The following MACROD2 variants were observed in gnomAD, a reference collection of about 807,000 sequenced individuals.
The protein encoded by MACROD2 is mono-ADP ribosylhydrolase 2.
Under a neutral mutation model 70.4 loss-of-function variants are expected in MACROD2, and 36 were observed. That is an observed-to-expected ratio of 0.51 (90% CI 0.39 to 0.68). The LOEUF is 0.68. Ranked by LOEUF, MACROD2 falls within the 30% of genes least tolerant of loss-of-function variation. The probability of loss-of-function intolerance (pLI) is 0.00; values close to 1 mark genes in which losing one functional copy is unlikely to be tolerated. For synonymous variants in MACROD2, 172 were observed against 178.8 expected (o/e 0.96, Z 0.30); for missense variants, 496 against 538.4 (o/e 0.92, Z 0.78).
At chr20:14,219,382 AT>A (rs574278901) in intron 3 of MACROD2, among the ~76,000 whole-genome samples, 2,749 of 146,912 alleles carry the variant, frequency 0.019, 29 homozygotes, top group South Asian at 0.043. Flanking sequence ...AGTTTCCTGA[AT>A]TTTTTTTTTT....
chr20:14,332,030 T>C (rs2082851794), intron 3 of MACROD2, among the ~76,000 whole-genome samples: 1 of 152,114 alleles, frequency 6.6e-6, no homozygotes, highest in African/African-American at 2.4e-5. Context: ...AATGAAGCCC[T>C]GGTAACTTAA....
At chr20:14,146,314 C>T (rs767011756) in intron 3 of MACROD2, among the ~76,000 whole-genome samples, 50 of 151,846 alleles carry the variant, frequency 3.3e-4, no homozygotes, top group African/African-American at 1.1e-3. Flanking sequence ...GCGAGACCTC[C>T]GCCTCAGGAA....
At position 16,008,688 on chromosome 20, in the gene MACROD2, C is replaced by T. The variant is rs140237068; in HGVS notation, c.1153+21530C>T. 9.2e-4 allele frequency among the ~76,000 whole-genome samples: 140 copies of T among 152,242 alleles called. 1 individual carries two copies. Among genetic ancestry groups the T allele is most frequent in the Non-Finnish European group, 1.7e-3 (118 of 68,022 alleles). On this transcript the variant is annotated intron_variant, in intron 15 of 17. Transcript: ENST00000684519. ...CATGTGTAAAGTTCTGGCAGTAGTG[C>T]CAGGCATATAGTAAACTCTCAATCA...
At position 14,594,719 on chromosome 20, in the gene MACROD2, C is replaced by T. The variant is rs193072192; in HGVS notation, c.302-90124C>T. Among the ~76,000 whole-genome samples the T allele has an allele frequency of 5.8e-4, 89 of 152,282 alleles. 1 individual carries two copies. Among genetic ancestry groups the T allele is most frequent in the African/African-American group, 2.1e-3 (89 of 41,554 alleles). The stretch of plus-strand genomic sequence containing the variant: ...CCAGCCTGGCCAATATGGTGAAACC[C>T]TGTCTCTATTAAAAATACAAAAATT... On this transcript the variant is annotated intron_variant, in intron 4 of 17. Coordinates refer to ENST00000684519, the MANE Select transcript of MACROD2 (RefSeq NM_001351661.2).
intron 6 of MACROD2, among the ~76,000 whole-genome samples, chr20:15,360,265 A>G (rs2078336435): frequency 6.6e-6 from 1 of 152,144 alleles, no homozygotes; most frequent in African/African-American, 2.4e-5. Flanking sequence ...ATTGAAGGAC[A>G]GTTTTGTTGT....
At chr20:14,095,001 A>G (rs986389470) in intron 3 of MACROD2, among the ~76,000 whole-genome samples, 1 of 152,022 alleles carries the variant, frequency 6.6e-6, no homozygotes, top group African/African-American at 2.4e-5. Flanking sequence ...TTACTTCTCT[A>G]AAGAGTTTCC....
At chr20:15,083,151 G>T (rs1370880644) in intron 5 of MACROD2, among the ~76,000 whole-genome samples, 1 of 152,128 alleles carries the variant, frequency 6.6e-6, no homozygotes, top group African/African-American at 2.4e-5. Flanking sequence ...TTCTGACAAA[G>T]GTCGTGGTCT....
At chr20:14,916,548 A>C (rs2074094295) in intron 5 of MACROD2, among the ~76,000 whole-genome samples, 1 of 152,210 alleles carries the variant, frequency 6.6e-6, no homozygotes, top group Admixed American at 6.5e-5. Context: ...ATAAAACAAG[A>C]TAACTTCAGG....
intron 4 of MACROD2, among the ~76,000 whole-genome samples, chr20:14,566,296 G>A (rs546282495): frequency 6.6e-6 from 1 of 151,706 alleles, no homozygotes; most frequent in African/African-American, 2.4e-5. Context: ...AGAGAAATTC[G>A]TATTTCTGTA....
In MACROD2 at chr20:15,196,928, T is replaced by TA. The variant is rs993003550; in HGVS notation, c.419-33006dup. The TA allele has an allele frequency of 1.2e-4, 120 of 985,342 alleles. No individual in the cohort carries two copies. In the African/African-American group the frequency reaches 1.8e-3, roughly 15 times the overall value. The allele number at this position is 985,342 out of a possible 1,614,324, so 61.0% of individuals were successfully genotyped here. On this transcript the variant is annotated intron_variant, in intron 5 of 17. Coordinates refer to ENST00000684519, the MANE Select transcript of MACROD2 (RefSeq NM_001351661.2). The stretch of plus-strand genomic sequence containing the variant: ...CTTGCCACATTTTGGAAAGACTACA[T>TA]AAAAAACCTTTAAAAATTGGAGCCC...
chr20:14,189,464 G>A (rs2081368489), intron 3 of MACROD2, among the ~76,000 whole-genome samples: 1 of 152,132 alleles, frequency 6.6e-6, no homozygotes, highest in East Asian at 1.9e-4. Context: ...AATTACAGCA[G>A]CTTTTTGGTT....
At chr20:15,922,938 G>A (rs964797204) in intron 10 of MACROD2, among the ~76,000 whole-genome samples, 1 of 150,098 alleles carries the variant, frequency 6.7e-6, no homozygotes, top group African/African-American at 2.5e-5. Context: ...TAGTGAAAAG[G>A]TAAATTCTAT....
At chr20:15,708,926 TAA>T (rs1421405470) in intron 8 of MACROD2, among the ~76,000 whole-genome samples, 5 of 152,128 alleles carry the variant, frequency 3.3e-5, no homozygotes, top group Non-Finnish European at 7.3e-5. Flanking sequence ...CTCAGGAGGC[TAA>T]GATGGGAGGA....
intron 6 of MACROD2, among the ~76,000 whole-genome samples, chr20:15,345,155 C>G (rs922065808): frequency 1.3e-5 from 2 of 152,088 alleles, no homozygotes; most frequent in African/African-American, 4.8e-5. Flanking sequence ...TGATTACCGC[C>G]GAAAGGGCCC....
chr20:14,114,427 C>T (rs991990914), intron 3 of MACROD2, among the ~76,000 whole-genome samples: 1 of 152,052 alleles, frequency 6.6e-6, no homozygotes. Context: ...AAAATGACAA[C>T]AAAAGAATAC....
intron 3 of MACROD2, among the ~76,000 whole-genome samples, chr20:14,165,003 G>T (rs1393123865): frequency 1.3e-5 from 2 of 152,150 alleles, no homozygotes; most frequent in African/African-American, 4.8e-5. Context: ...GCTGCCAGTG[G>T]CTCCTGCATT....
chr20:14,893,110 T>C (rs2073783181), intron 5 of MACROD2: 1 of 152,224 alleles, frequency 6.6e-6, no homozygotes, highest in Non-Finnish European at 1.5e-5. Flanking sequence ...AGCCATATTA[T>C]AGAGTGTGAT....
chr20:14,608,252 G>A (rs886830298), intron 4 of MACROD2, among the ~76,000 whole-genome samples: 8 of 151,996 alleles, frequency 5.3e-5, no homozygotes, highest in Non-Finnish European at 8.8e-5. Flanking sequence ...ATGGAACTCC[G>A]TCTCAAAAAA....
At position 14,326,585 on chromosome 20, in the gene MACROD2, A is replaced by G. The variant is rs768394306; in HGVS notation, c.272-166894A>G. ...ACCCATTTCATCTTGCACCCGCAAT[A>G]CCAGGGATTGTTGCGAAGAATCAGT... is the stretch of plus-strand genomic sequence containing the variant. On this transcript the variant is annotated intron_variant, in intron 3 of 17. Transcript: ENST00000684519. This position sits in a 1 kb window ranked among gnomAD's most constrained non-coding sequence, Gnocchi z 5.5. 2.5e-6 allele frequency: 4 copies of G among 1,613,904 alleles called. No individual in the cohort carries two copies. The highest frequency in any genetic ancestry group is 1.1e-5 in the South Asian group (1 of 91,084).
Sources: allele counts gnomAD v4.1 joint callset (sites outside exome capture counted in the v4.1 genomes callset), GRCh38; gene constraint gnomAD v4.1.1; non-coding constraint Gnocchi (gnomAD v3.1); transcripts MANE v1.5; gene names NCBI Gene and HGNC (gene_info 2026-07-23, HGNC 2026-07-21).